Variants in CADM2 observed in about 807,000 individuals in gnomAD.
CADM2 encodes cell adhesion molecule 2.
A neutral mutation model predicts 49.8 loss-of-function variants in CADM2; 12 were observed. That is an observed-to-expected ratio of 0.24 (90% CI 0.15 to 0.39). CADM2 has a LOEUF of 0.39. CADM2 is among the 10% of genes least tolerant of loss of function. CADM2 has a pLI of 1.00. For missense variants in CADM2, 378 were observed against 492.3 expected, an observed-to-expected ratio of 0.77 and a Z score of 2.20; for synonymous variants, 214 against 175.4, an observed-to-expected ratio of 1.22 and a Z score of -1.74.
chr3:85,490,127 T>C (rs1244123631), intron 1 of CADM2, among the ~76,000 whole-genome samples: 1 of 152,030 alleles, frequency 6.6e-6, no homozygotes, highest in Non-Finnish European at 1.5e-5. Flanking sequence ...TTTACAAGAC[T>C]CTTCTACTTG....
chr3:85,180,065 A>C (rs541904002), intron 1 of CADM2, among the ~76,000 whole-genome samples: 38 of 152,056 alleles, frequency 2.5e-4, no homozygotes, highest in African/African-American at 8.7e-4. Context: ...ATGTTATATA[A>C]AAATCTTTTA....
chr3:85,476,725 A>G (rs1258436920), intron 1 of CADM2, among the ~76,000 whole-genome samples: 1 of 151,922 alleles, frequency 6.6e-6, no homozygotes, highest in Non-Finnish European at 1.5e-5. Context: ...CATGGCTTGC[A>G]AAATACTTTA....
intron 1 of CADM2, among the ~76,000 whole-genome samples, chr3:85,656,076 A>G (rs932992792): frequency 6.6e-6 from 1 of 151,838 alleles, no homozygotes; most frequent in Non-Finnish European, 1.5e-5. Flanking sequence ...TACTTCTCAT[A>G]CTTCCTACAG....
At chr3:85,495,362 C>A (rs1359868029) in intron 1 of CADM2, among the ~76,000 whole-genome samples, 1 of 152,056 alleles carries the variant, frequency 6.6e-6, no homozygotes, top group Non-Finnish European at 1.5e-5. Context: ...TTATACGTAA[C>A]CTTAGAAAGA....
At chr3:85,972,249 A>G (rs1726249859) in intron 8 of CADM2, among the ~76,000 whole-genome samples, 2 of 151,704 alleles carry the variant, frequency 1.3e-5, no homozygotes, top group Admixed American at 1.3e-4. Flanking sequence ...TCCTCTTACA[A>G]TTGTTTCCAA....
At chr3:85,443,694 G>T (rs2037313307) in intron 1 of CADM2, among the ~76,000 whole-genome samples, 1 of 152,004 alleles carries the variant, frequency 6.6e-6, no homozygotes, top group South Asian at 2.1e-4. Flanking sequence ...CAATGTACCT[G>T]GCTGCCCTTT....
At chr3:84,979,990 A>G (rs978773447) in intron 1 of CADM2, among the ~76,000 whole-genome samples, 1 of 152,240 alleles carries the variant, frequency 6.6e-6, no homozygotes, top group African/African-American at 2.4e-5. Flanking sequence ...TTGTGTTAAG[A>G]AAGCCAAATA....
chr3:85,810,022 A>G (rs2072751325), intron 3 of CADM2, among the ~76,000 whole-genome samples: 1 of 151,976 alleles, frequency 6.6e-6, no homozygotes, highest in Admixed American at 6.6e-5. Flanking sequence ...ATGGGCCAAT[A>G]ATACAGATAC....
chr3:84,999,015 T>G (rs2033321277), intron 1 of CADM2, among the ~76,000 whole-genome samples: 2 of 152,148 alleles, frequency 1.3e-5, no homozygotes, highest in South Asian at 4.1e-4. Flanking sequence ...TAACTTTCCC[T>G]AAAAACGATT....
intron 1 of CADM2, among the ~76,000 whole-genome samples, chr3:85,230,478 A>C (rs559362348): frequency 6.6e-6 from 1 of 152,246 alleles, no homozygotes; most frequent in African/African-American, 2.4e-5. Flanking sequence ...TAGATTAGTG[A>C]TTTTACTTAG....
intron 1 of CADM2, among the ~76,000 whole-genome samples, chr3:85,004,733 AT>A (rs1287603299): frequency 2.0e-5 from 3 of 152,172 alleles, no homozygotes; most frequent in African/African-American, 7.2e-5. Flanking sequence ...TGAATTCAAA[AT>A]TTGATCTATC....
At chr3:85,820,694 T>C (rs2073499826) in intron 3 of CADM2, among the ~76,000 whole-genome samples, 1 of 152,088 alleles carries the variant, frequency 6.6e-6, no homozygotes, top group Non-Finnish European at 1.5e-5. Context: ...AAGAGGAGAT[T>C]ACATGATAGC....
At chr3:85,689,603 G>A (rs1265675893) in intron 1 of CADM2, among the ~76,000 whole-genome samples, 12 of 152,174 alleles carry the variant, frequency 7.9e-5, no homozygotes, top group Admixed American at 7.9e-4. Flanking sequence ...GGGCTAGATT[G>A]AAAAACAATA....
At chr3:85,129,352 A>G (rs566727185) in intron 1 of CADM2, among the ~76,000 whole-genome samples, 3 of 152,102 alleles carry the variant, frequency 2.0e-5, no homozygotes, top group Non-Finnish European at 4.4e-5. Context: ...TAATATTTAT[A>G]TCTCTTTTTA....
chr3:85,761,314 C>A lies in CADM2; in HGVS notation c.88+34766C>A, dbSNP rs575613999. Among the ~76,000 whole-genome samples, 8 of 150,520 alleles carry A rather than the reference C, an allele frequency of 5.3e-5. No homozygotes were observed. In the South Asian group the frequency reaches 1.5e-3, roughly 28 times the overall value. On this transcript the variant is annotated intron_variant, in intron 2 of 9. Transcript: ENST00000383699. Reference sequence around the variant, plus strand: ...AATATGTATATATTTATTGATCAACCTAAGTAAAAGCAATAATGGTATGAA... The same window carrying A: ...AATATGTATATATTTATTGATCAACATAAGTAAAAGCAATAATGGTATGAA...
chr3:85,894,767 C>A (rs1242453674), intron 5 of CADM2, among the ~76,000 whole-genome samples: 3 of 152,174 alleles, frequency 2.0e-5, no homozygotes, highest in Non-Finnish European at 4.4e-5. Context: ...CTAAAAGGGG[C>A]CAACTTACAG....
At chr3:86,051,793 AACTC>A (rs1009809806) in intron 8 of CADM2, among the ~76,000 whole-genome samples, 6 of 152,094 alleles carry the variant, frequency 3.9e-5, no homozygotes, top group Non-Finnish European at 7.4e-5. Context: ...ATCTCAGGAG[AACTC>A]ACTCACTCAC....
intron 1 of CADM2, among the ~76,000 whole-genome samples, chr3:85,255,549 A>AT (rs1468106475): frequency 2.0e-5 from 3 of 152,102 alleles, no homozygotes; most frequent in Non-Finnish European, 4.4e-5. Flanking sequence ...CTGTAAAAAA[A>AT]AAAGTGATAA....
At chr3:85,744,042 A>G (rs2068509046) in intron 2 of CADM2, among the ~76,000 whole-genome samples, 1 of 152,174 alleles carries the variant, frequency 6.6e-6, no homozygotes, top group South Asian at 2.1e-4. Flanking sequence ...ACAAACAACA[A>G]TAATAGCAAG....
Sources: gnomAD v4.1 joint callset for allele counts (sites outside exome capture counted in the v4.1 genomes callset) on GRCh38, gnomAD v4.1.1 for gene constraint, MANE v1.5 for transcripts, NCBI Gene and HGNC (gene_info 2026-07-23, HGNC 2026-07-21) for gene names.